Variants in PDE7B observed in about 807,000 individuals in gnomAD.
PDE7B encodes the protein 3',5'-cyclic-AMP phosphodiesterase 7B.
Under a neutral mutation model 56.2 loss-of-function variants are expected in PDE7B, and 29 were observed. The observed-to-expected ratio is 0.52, with a 90% CI of 0.38 to 0.70. The LOEUF (loss-of-function observed/expected upper bound fraction) is 0.70, where lower values mean the gene tolerates loss of function less well. Ranked by LOEUF, PDE7B falls within the 30% of genes least tolerant of loss-of-function variation. The pLI is 0.00. For missense variants in PDE7B, 490 were observed against 565.0 expected (o/e 0.87, Z 1.35); for synonymous variants, 197 against 196.9 (o/e 1.00, Z 0.00).
At chr6:135,969,699 G>A (rs779107001) in intron 2 of PDE7B, among the ~76,000 whole-genome samples, 2 of 152,112 alleles carry the variant, frequency 1.3e-5, no homozygotes, top group Non-Finnish European at 2.9e-5. Flanking sequence ...TACCATTCAG[G>A]ACATAGGTAC....
chr6:135,932,202 TA>T (rs888065258), intron 1 of PDE7B, among the ~76,000 whole-genome samples: 2 of 151,966 alleles, frequency 1.3e-5, no homozygotes, highest in African/African-American at 4.8e-5. Flanking sequence ...ATTTCAGATA[TA>T]AAAAAATAGA....
chr6:136,176,398 C>A (rs941011162), intron 9 of PDE7B, among the ~76,000 whole-genome samples: 1 of 152,030 alleles, frequency 6.6e-6, no homozygotes, highest in East Asian at 1.9e-4. Flanking sequence ...CCATAGAGAT[C>A]ATGCTTTACA....
At chr6:135,896,706 G>A (rs1364216281) in intron 1 of PDE7B, among the ~76,000 whole-genome samples, 1 of 152,096 alleles carries the variant, frequency 6.6e-6, no homozygotes, top group Non-Finnish European at 1.5e-5. Context: ...TGGTATAGCT[G>A]AGAATCAAAC....
chr6:135,904,574 C>T (rs1264461249), intron 1 of PDE7B, among the ~76,000 whole-genome samples: 1 of 152,160 alleles, frequency 6.6e-6, no homozygotes, highest in Non-Finnish European at 1.5e-5. Context: ...AAGGGGGTCT[C>T]AATAAATTCT....
chr6:136,017,525 G>T (rs749122194), intron 2 of PDE7B, among the ~76,000 whole-genome samples: 2 of 137,146 alleles, frequency 1.5e-5, no homozygotes, highest in Non-Finnish European at 3.0e-5. Flanking sequence ...GGTGTGTGAT[G>T]TTCCCCTTCT....
intron 1 of PDE7B, among the ~76,000 whole-genome samples, chr6:135,873,153 A>G (rs1775419744): frequency 6.6e-6 from 1 of 152,172 alleles, no homozygotes; most frequent in Non-Finnish European, 1.5e-5. Context: ...AAACAAATCT[A>G]GTGATCTGTC....
chr6:136,009,261 G>T (rs1360572414), intron 2 of PDE7B, among the ~76,000 whole-genome samples: 2 of 151,864 alleles, frequency 1.3e-5, no homozygotes, highest in African/African-American at 4.8e-5. Context: ...TTTGAAGTCA[G>T]GTAGCATGAT....
intron 2 of PDE7B, among the ~76,000 whole-genome samples, chr6:136,010,392 T>C (rs1179396998): frequency 6.7e-6 from 1 of 149,700 alleles, no homozygotes; most frequent in Non-Finnish European, 1.5e-5. Context: ...TTCCCTTCTT[T>C]TTTTTTTTTT....
intron 2 of PDE7B, among the ~76,000 whole-genome samples, chr6:135,991,329 C>T (rs1360035744): frequency 6.6e-6 from 1 of 152,086 alleles, no homozygotes; most frequent in South Asian, 2.1e-4. Context: ...GACAGTAATG[C>T]ATGTGTTGAC....
In PDE7B at chr6:136,173,738, A is replaced by G. The variant is rs1036701240; in HGVS notation, c.712-59A>G. ...TAGCGTCCGTGGAGCTGTGTTCAGC[A>G]TGAAAGATCAGTATCTGGCTTCCCT... On this transcript the variant is annotated intron_variant, in intron 8 of 12. Transcript: ENST00000308191. 5 of 1,110,642 alleles carry G rather than the reference A, an allele frequency of 4.5e-6. No homozygotes were observed. In the African/African-American group the frequency reaches 7.7e-5, roughly 17 times the overall value. 68.8% of individuals were successfully genotyped at this position (1,110,642 alleles called of 1,614,324 possible).
At chr6:135,982,834 C>T (rs903313172) in intron 2 of PDE7B, among the ~76,000 whole-genome samples, 6 of 152,144 alleles carry the variant, frequency 3.9e-5, no homozygotes, top group Non-Finnish European at 7.3e-5. Context: ...ATACTCATCA[C>T]ACCCTGTCAC....
At chr6:136,056,824 G>A (rs746948096) in intron 2 of PDE7B, among the ~76,000 whole-genome samples, 6 of 151,988 alleles carry the variant, frequency 3.9e-5, no homozygotes, top group African/African-American at 7.3e-5. Flanking sequence ...GAGCCACCGC[G>A]CTTGGCCGAC....
At chr6:135,863,023 C>A (rs544975169) in intron 1 of PDE7B, among the ~76,000 whole-genome samples, 44 of 152,002 alleles carry the variant, frequency 2.9e-4, no homozygotes, top group African/African-American at 9.4e-4. Flanking sequence ...GCTTACAAGT[C>A]ATACCATTAA....
chr6:136,150,980 G>GA lies in PDE7B; in HGVS notation c.383-174dup, dbSNP rs750096126. On this transcript the variant is annotated intron_variant, in intron 5 of 12. Coordinates refer to ENST00000308191, the MANE Select transcript of PDE7B (RefSeq NM_018945.4). Reference sequence around the variant, plus strand: ...TGAGCTAATTTTACTTGTACAATAAGAAAAAACCTAGGATCAGATCATAGT... The same window carrying GA: ...TGAGCTAATTTTACTTGTACAATAAGAAAAAAACCTAGGATCAGATCATAGT... Among the ~76,000 whole-genome samples, 149 of 152,062 alleles carry GA rather than the reference G, an allele frequency of 9.8e-4. 1 individual carries two copies. The highest frequency in any genetic ancestry group is 3.4e-3 in the Middle Eastern group (1 of 294).
chr6:136,174,615 A>T (rs1778947790), intron 9 of PDE7B, among the ~76,000 whole-genome samples: 4 of 152,140 alleles, frequency 2.6e-5, no homozygotes, highest in Non-Finnish European at 5.9e-5. Flanking sequence ...ACCTAGGTGA[A>T]AAGAGTACAT....
At chr6:136,062,382 G>A (rs1776860003) in intron 2 of PDE7B, among the ~76,000 whole-genome samples, 1 of 152,066 alleles carries the variant, frequency 6.6e-6, no homozygotes, top group African/African-American at 2.4e-5. Flanking sequence ...GGTGGTGGTA[G>A]GAATATTTAA....
At chr6:136,113,117 G>A (rs139405997) in intron 3 of PDE7B, among the ~76,000 whole-genome samples, 21 of 152,220 alleles carry the variant, frequency 1.4e-4, no homozygotes, top group East Asian at 9.6e-4. Context: ...AATAACAAAC[G>A]TATATTTGAA....
intron 8 of PDE7B, 163 bp downstream of exon 8, chr6:136,155,921 A>G (rs1466866584): frequency 1.3e-6 from 1 of 788,592 alleles, no homozygotes. Flanking sequence ...TCAAACTCAG[A>G]TGCTCAAAAT....
At chr6:136,112,991 A>C (rs895545896) in intron 3 of PDE7B, among the ~76,000 whole-genome samples, 3 of 152,182 alleles carry the variant, frequency 2.0e-5, no homozygotes, top group Non-Finnish European at 2.9e-5. Context: ...CTAAATTACA[A>C]GGCCAACTGC....
Sources: allele counts gnomAD v4.1 joint callset (sites outside exome capture counted in the v4.1 genomes callset), GRCh38; gene constraint gnomAD v4.1.1; transcripts MANE v1.5; gene names NCBI Gene and HGNC (gene_info 2026-07-23, HGNC 2026-07-21).